The following YES1 variants were observed in gnomAD, a reference collection of about 807,000 sequenced individuals.
YES1 encodes the protein tyrosine-protein kinase Yes.
YES1 carries 39 observed loss-of-function variants against 70.4 expected under a neutral mutation model. The ratio of observed to expected loss-of-function variants is 0.55; its 90% CI spans 0.43 to 0.72. The LOEUF (loss-of-function observed/expected upper bound fraction) is 0.72, where lower values mean the gene tolerates loss of function less well. Among genes scored for constraint, YES1 ranks in the 30% least tolerant of loss-of-function variants. The probability of loss-of-function intolerance (pLI) is 0.00; values close to 1 mark genes in which losing one functional copy is unlikely to be tolerated. For synonymous variants in YES1, 198 were observed against 218.6 expected (o/e 0.91, Z 0.83); for missense variants, 495 against 644.8 (o/e 0.77, Z 2.52).
intron 1 of YES1, chr18:775,144 T>G (rs1359460506): frequency 6.6e-6 from 1 of 152,106 alleles, no homozygotes; most frequent in Admixed American, 6.5e-5. Flanking sequence ...CTCATAGAGT[T>G]GTGAAGATTA....
In YES1 at chr18:804,855, A is replaced by C. The variant is rs531748654; in HGVS notation, c.-9+7259T>G. On this transcript the variant is annotated intron_variant, in intron 1 of 11. Coordinates refer to ENST00000314574, the MANE Select transcript of YES1 (RefSeq NM_005433.4). ...CTTGAACCCAGGAGGCTGAGGTTGTAGTGAGCTGAGATCAAGCCACTGCAC... is the reference window on the plus strand; with the variant it reads ...CTTGAACCCAGGAGGCTGAGGTTGTCGTGAGCTGAGATCAAGCCACTGCAC... Among the ~76,000 whole-genome samples, 4 of 140,928 alleles carry C rather than the reference A, an allele frequency of 2.8e-5. No homozygotes were observed. The Admixed American group carries it at 3.0e-4, about 11-fold the overall frequency. 92.5% of individuals were successfully genotyped at this position (140,928 alleles called of 152,430 possible). A position where few individuals can be genotyped will look rare whatever the true frequency, so the allele number is the denominator to read the frequency against.
intron 1 of YES1, among the ~76,000 whole-genome samples, chr18:799,708 A>C (rs897170175): frequency 2.0e-5 from 3 of 152,068 alleles, no homozygotes; most frequent in Admixed American, 1.3e-4. Flanking sequence ...ATTTCAAAAA[A>C]AATTTTAATT....
intron 1 of YES1, among the ~76,000 whole-genome samples, chr18:790,386 G>A (rs1441223341): frequency 3.9e-5 from 6 of 152,138 alleles, no homozygotes; most frequent in South Asian, 2.1e-4. Flanking sequence ...CAGAGCTGGC[G>A]GGGGTAACCT....
chr18:801,753 C>G (rs554783756), intron 1 of YES1, among the ~76,000 whole-genome samples: 2 of 152,206 alleles, frequency 1.3e-5, no homozygotes, highest in Admixed American at 6.5e-5. Context: ...TTCACAAACC[C>G]AAACCTATAA....
chr18:742,878 C>T (rs1388723788), intron 8 of YES1, 40 bp downstream of exon 8: 1 of 1,487,826 alleles, frequency 6.7e-7, no homozygotes, highest in Non-Finnish European at 9.0e-7. Flanking sequence ...CTCTTAAAAA[C>T]ATTATCAACA....
chr18:756,959 CAAAAA>C, intron 1 of YES1, 124 bp from the exon 2 acceptor site: 1 of 977,370 alleles, frequency 1.0e-6, no homozygotes, highest in East Asian at 2.6e-5. Flanking sequence ...ATAAACAAAA[CAAAAA>C]ATAGAAAGCT....
intron 1 of YES1, among the ~76,000 whole-genome samples, chr18:808,803 T>C (rs1323987075): frequency 1.3e-5 from 2 of 152,246 alleles, no homozygotes; most frequent in African/African-American, 4.8e-5. Flanking sequence ...AATGATTCTC[T>C]GCATTTCTGA....
intron 1 of YES1, among the ~76,000 whole-genome samples, chr18:810,143 A>AG (rs1018893292): frequency 2.0e-5 from 3 of 152,210 alleles, no homozygotes; most frequent in African/African-American, 7.2e-5. Context: ...GATTTTGTAA[A>AG]GAAAAACTAG....
intron 8 of YES1, among the ~76,000 whole-genome samples, 184 bp from the exon 9 acceptor site, chr18:739,995 T>C (rs1184301977): frequency 6.6e-6 from 1 of 152,194 alleles, no homozygotes; most frequent in Non-Finnish European, 1.5e-5. Context: ...AAGCTGAAAT[T>C]TTGAAAACTT....
At chr18:779,059 CT>C (rs1018125789) in intron 1 of YES1, among the ~76,000 whole-genome samples, 7 of 152,042 alleles carry the variant, frequency 4.6e-5, no homozygotes, top group African/African-American at 1.7e-4. Flanking sequence ...CTCGTAGTTT[CT>C]TTAATGAAGT....
chr18:739,572 G>A (rs2080192966), intron 9 of YES1, 163 bp downstream of exon 9: 6 of 536,140 alleles, frequency 1.1e-5, no homozygotes, highest in Non-Finnish European at 1.6e-5. Flanking sequence ...GTGCACCACT[G>A]CATTCCACCC....
chr18:748,682 T>G (rs1009279730), intron 3 of YES1, among the ~76,000 whole-genome samples: 3 of 152,196 alleles, frequency 2.0e-5, no homozygotes, highest in Non-Finnish European at 2.9e-5. Context: ...TTGGCATAAT[T>G]TTTTAAAGGT....
intron 10 of YES1, among the ~76,000 whole-genome samples, chr18:733,302 T>TTTTAAGTACAGTTAACCAAA (rs2080112903): frequency 6.6e-6 from 1 of 152,200 alleles, no homozygotes; most frequent in Admixed American, 6.5e-5. Flanking sequence ...ACCTAATAGC[T>TTTTAAGTACAGTTAACCAAA]GTAGTTAACT....
chr18:812,065 C>G (rs1907424125), intron 1 of YES1, 49 bp downstream of exon 1: 1 of 157,718 alleles, frequency 6.3e-6, no homozygotes, highest in Admixed American at 6.5e-5. Context: ...CTAGCCCTGT[C>G]CGGGCAGAGG....
In YES1 at chr18:743,026, G is replaced by A. The variant is rs2080233299; in HGVS notation, c.952C>T (p.Leu318Phe). Residue 318 changes from leucine (L) to phenylalanine (F), a missense_variant, in exon 8 of 12, where the codon CTT (leucine) becomes TTT (phenylalanine). Transcript: ENST00000314574. ...TTTTTCATTATCTGAGCTTCTTGAA[G>A]GAAAGCTTCTGGCATCATTGTACCT... ...KPGTMMPEAF[L>F]QEAQIMKKLR... is the part of the protein sequence containing the mutation. 6.2e-7 allele frequency: 1 copy of A among 1,612,610 alleles called. No homozygotes were observed. The highest frequency in any genetic ancestry group is 8.5e-7 in the Non-Finnish European group (1 of 1,179,786).
intron 1 of YES1, among the ~76,000 whole-genome samples, chr18:785,370 T>C (rs1294026526): frequency 6.6e-6 from 1 of 152,194 alleles, no homozygotes; most frequent in Non-Finnish European, 1.5e-5. Context: ...AGAGATATCA[T>C]CTTCCCCTTT....
chr18:807,721 T>C (rs1907169344), intron 1 of YES1, among the ~76,000 whole-genome samples: 1 of 152,138 alleles, frequency 6.6e-6, no homozygotes, highest in Non-Finnish European at 1.5e-5. Flanking sequence ...GCAGAGTTCC[T>C]ACTAGCAAAA....
In YES1 at chr18:722,747, C is replaced by T. The variant is rs1174709924; in HGVS notation, c.*1677G>A. The T allele has an allele frequency of 1.3e-5, 2 of 152,180 alleles. No individual in the cohort carries two copies. Among genetic ancestry groups the T allele is most frequent in the Non-Finnish European group, 2.9e-5 (2 of 68,042 alleles). 9.4% of individuals were successfully genotyped at this position (152,180 alleles called of 1,614,324 possible). A position where few individuals can be genotyped will look rare whatever the true frequency, so the allele number is the denominator to read the frequency against. The stretch of plus-strand genomic sequence containing the variant: ...GAATAAGTTTTCCTCCCCAAATCAA[C>T]CATTTAATGTATTCTAAAAGGGAAA... On this transcript the variant is annotated 3_prime_UTR_variant, in exon 12 of 12. Coordinates refer to ENST00000314574, the MANE Select transcript of YES1 (RefSeq NM_005433.4).
intron 1 of YES1, among the ~76,000 whole-genome samples, chr18:796,127 A>C (rs1202741430): frequency 6.6e-6 from 1 of 152,204 alleles, no homozygotes. Context: ...TCACATGAAA[A>C]AGTAAATGCA....
Sources: gnomAD v4.1 joint callset for allele counts (sites outside exome capture counted in the v4.1 genomes callset) on GRCh38, gnomAD v4.1.1 for gene constraint, MANE v1.5 for transcripts, NCBI Gene and HGNC (gene_info 2026-07-23, HGNC 2026-07-21) for gene names.